Variants in TBCA observed in about 807,000 individuals in gnomAD.
TBCA encodes tubulin folding cofactor A, also known as tubulin-specific chaperone A.
Under a neutral mutation model 15.8 loss-of-function variants are expected in TBCA, and 6 were observed. The ratio of observed to expected loss-of-function variants is 0.38; its 90% CI spans 0.21 to 0.75. The LOEUF (loss-of-function observed/expected upper bound fraction) is 0.75, where lower values mean the gene tolerates loss of function less well. Among genes scored for constraint, TBCA ranks in the 30% least tolerant of loss-of-function variants. The probability of loss-of-function intolerance (pLI) is 0.46; values close to 1 mark genes in which losing one functional copy is unlikely to be tolerated. For synonymous variants in TBCA, 32 were observed against 42.3 expected (o/e 0.76, Z 0.94); for missense variants, 90 against 131.2 (o/e 0.69, Z 1.53).
chr5:77,775,766 T>TC (rs1210888040), intron 1 of TBCA, among the ~76,000 whole-genome samples: 3 of 152,050 alleles, frequency 2.0e-5, no homozygotes, highest in Non-Finnish European at 4.4e-5. Context: ...ATCCTCCGCA[T>TC]CCCCCTAAAC....
intron 1 of TBCA, among the ~76,000 whole-genome samples, chr5:77,747,529 CA>C (rs1214926414): frequency 6.6e-6 from 1 of 152,032 alleles, no homozygotes; most frequent in Non-Finnish European, 1.5e-5. Flanking sequence ...ACTAATGTAT[CA>C]AAAGCTTAGA....
intron 1 of TBCA, among the ~76,000 whole-genome samples, chr5:77,775,724 G>A (rs1052827593): frequency 5.9e-5 from 9 of 152,308 alleles, no homozygotes; most frequent in Non-Finnish European, 1.0e-4. Context: ...AGGTCACACG[G>A]CTCCACTACG....
At chr5:77,699,323 AAAAT>A (rs1490412869) in intron 2 of TBCA, among the ~76,000 whole-genome samples, 3 of 152,198 alleles carry the variant, frequency 2.0e-5, no homozygotes, top group African/African-American at 7.2e-5. Flanking sequence ...AAAATAAAAT[AAAAT>A]AAACACTCAT....
At chr5:77,727,930 A>C (rs1420474146) in intron 1 of TBCA, among the ~76,000 whole-genome samples, 4 of 152,166 alleles carry the variant, frequency 2.6e-5, no homozygotes, top group African/African-American at 9.7e-5. Flanking sequence ...GAGTGAAGGC[A>C]GGTATAGTTA....
intron 1 of TBCA, chr5:77,715,106 C>G (rs929962963): frequency 1.6e-6 from 1 of 614,562 alleles, no homozygotes; most frequent in South Asian, 2.0e-5. Flanking sequence ...GAAGAGGACA[C>G]ATGAGTTAAG....
intron 1 of TBCA, among the ~76,000 whole-genome samples, chr5:77,743,950 T>C (rs1398309734): frequency 6.6e-6 from 1 of 152,210 alleles, no homozygotes; most frequent in African/African-American, 2.4e-5. Flanking sequence ...AATTAAATAC[T>C]GTGTGGACCA....
chr5:77,761,552 T>A (rs919257897), intron 1 of TBCA, among the ~76,000 whole-genome samples: 1 of 152,046 alleles, frequency 6.6e-6, no homozygotes, highest in Non-Finnish European at 1.5e-5. Context: ...GTTCACGTGT[T>A]TATCTGCTGA....
intron 1 of TBCA, among the ~76,000 whole-genome samples, chr5:77,713,782 C>T (rs1746334903): frequency 1.3e-5 from 2 of 151,792 alleles, no homozygotes; most frequent in Non-Finnish European, 2.9e-5. Context: ...AAAGTTTACA[C>T]CACAGCAAAG....
intron 1 of TBCA, among the ~76,000 whole-genome samples, chr5:77,773,825 T>C (rs535351130): frequency 6.6e-6 from 1 of 152,218 alleles, no homozygotes; most frequent in Admixed American, 6.5e-5. Flanking sequence ...TTAGTAGACA[T>C]TGCTACAACA....
chr5:77,691,554 T>A, intron 3 of TBCA, 56 bp from the exon 4 acceptor site: 1 of 1,488,266 alleles, frequency 6.7e-7, no homozygotes, highest in Non-Finnish European at 9.0e-7. Flanking sequence ...CAGTACTTTG[T>A]TATTTACTCA....
At position 77,776,303 on chromosome 5, in the gene TBCA, C is replaced by T; in HGVS notation, c.-46G>A. On this transcript the variant is annotated 5_prime_UTR_variant, in exon 1 of 4. Transcript: ENST00000380377. The stretch of plus-strand genomic sequence containing the variant: ...AAGGAGGGGCGGAGAGCCGGGGTAA[C>T]CGTGGAGGGCGACGCGCAGAGGCTG... 41 of 1,555,650 alleles carry T rather than the reference C, an allele frequency of 2.6e-5. No homozygotes were observed. The highest frequency in any genetic ancestry group is 3.6e-5 in the Non-Finnish European group (41 of 1,150,270).
chr5:77,743,508 C>A (rs1387618239), intron 1 of TBCA, among the ~76,000 whole-genome samples: 1 of 152,190 alleles, frequency 6.6e-6, no homozygotes, highest in Non-Finnish European at 1.5e-5. Context: ...CAAGAAGCAA[C>A]CTAGACTTCC....
intron 1 of TBCA, 97 bp from the exon 2 acceptor site, chr5:77,708,444 C>A (rs1746199332): frequency 5.8e-6 from 4 of 684,248 alleles, no homozygotes; most frequent in Admixed American, 2.9e-5. Context: ...TTTAAAATAC[C>A]AAAGTAGATA....
intron 1 of TBCA, among the ~76,000 whole-genome samples, chr5:77,713,705 T>C (rs1257384408): frequency 2.0e-5 from 3 of 152,194 alleles, no homozygotes; most frequent in Non-Finnish European, 4.4e-5. Flanking sequence ...TTCAGCCTAC[T>C]ATGATTTTTT....
chr5:77,724,271 T>C (rs1746584620), intron 1 of TBCA, among the ~76,000 whole-genome samples: 1 of 152,112 alleles, frequency 6.6e-6, no homozygotes, highest in South Asian at 2.1e-4. Flanking sequence ...AAGGATGATC[T>C]ACTCTCTCCA....
intron 1 of TBCA, among the ~76,000 whole-genome samples, chr5:77,759,702 T>C (rs1412468048): frequency 2.0e-5 from 3 of 152,182 alleles, no homozygotes; most frequent in Non-Finnish European, 4.4e-5. Flanking sequence ...GCATTTTCCA[T>C]AGGAAAAATG....
intron 2 of TBCA, among the ~76,000 whole-genome samples, chr5:77,701,781 T>C (rs1161211442): frequency 6.9e-6 from 1 of 144,368 alleles, no homozygotes; most frequent in Non-Finnish European, 1.5e-5. Flanking sequence ...TTGCAGCAAC[T>C]TGGACGGGAC....
intron 1 of TBCA, among the ~76,000 whole-genome samples, chr5:77,736,285 G>A (rs181044470): frequency 1.4e-5 from 2 of 147,748 alleles, no homozygotes; most frequent in African/African-American, 5.0e-5. Flanking sequence ...GCAGTGAGCC[G>A]AGATCGCACC....
At chr5:77,715,335 C>T (rs1474070579) in intron 1 of TBCA, 1 of 700,914 alleles carries the variant, frequency 1.4e-6, no homozygotes, top group South Asian at 1.5e-5. Flanking sequence ...AAAAATACAT[C>T]CCAAGGTTAA....
Sources: gnomAD v4.1 joint callset for allele counts (sites outside exome capture counted in the v4.1 genomes callset) on GRCh38, gnomAD v4.1.1 for gene constraint, MANE v1.5 for transcripts, NCBI Gene and HGNC (gene_info 2026-07-23, HGNC 2026-07-21) for gene names.